DPYD: variants seen among roughly 807,000 people sequenced by gnomAD.
The protein encoded by DPYD is dihydropyrimidine dehydrogenase [NADP(+)].
Under a neutral mutation model 116.2 loss-of-function variants are expected in DPYD, and 109 were observed. The observed-to-expected ratio is 0.94, with a 90% confidence interval of 0.80 to 1.10. DPYD has a LOEUF of 1.10. DPYD is among the 50% of genes least tolerant of loss of function. DPYD has a pLI of 0.00. For synonymous variants in DPYD, 440 were observed against 432.0 expected (o/e 1.02, Z -0.23); for missense variants, 1,302 against 1,254.5 (o/e 1.04, Z -0.57).
intron 20 of DPYD, among the ~76,000 whole-genome samples, chr1:97,153,850 A>G (rs958243469): frequency 6.6e-6 from 1 of 152,122 alleles, no homozygotes; most frequent in Non-Finnish European, 1.5e-5. Context: ...ACATGAAAAG[A>G]CAATTCTGAA....
chr1:97,276,586 T>C (rs1306285447), intron 18 of DPYD, among the ~76,000 whole-genome samples: 1 of 146,658 alleles, frequency 6.8e-6, no homozygotes, highest in Non-Finnish European at 1.5e-5. Flanking sequence ...ACCAGAGAAA[T>C]GAAAATCAAA....
intron 16 of DPYD, among the ~76,000 whole-genome samples, chr1:97,317,486 G>A (rs1044044670): frequency 1.3e-5 from 2 of 151,984 alleles, no homozygotes; most frequent in Non-Finnish European, 2.9e-5. Context: ...ATAATAAGGA[G>A]TTTTTATTCT....
chr1:97,223,460 C>T (rs1660910572), intron 19 of DPYD, among the ~76,000 whole-genome samples: 2 of 151,584 alleles, frequency 1.3e-5, no homozygotes, highest in Non-Finnish European at 2.9e-5. Flanking sequence ...AGGCACAGGT[C>T]ATAATTGTTT....
At chr1:97,523,839 G>C (rs531937068) in intron 12 of DPYD, among the ~76,000 whole-genome samples, 13 of 152,216 alleles carry the variant, frequency 8.5e-5, no homozygotes, top group Admixed American at 7.2e-4. Flanking sequence ...GACAGAGGGG[G>C]AAATGATAAA....
chr1:97,474,440 A>G (rs1266208765), intron 13 of DPYD, among the ~76,000 whole-genome samples: 1 of 152,084 alleles, frequency 6.6e-6, no homozygotes, highest in African/African-American at 2.4e-5. Context: ...TTTCTGGGGA[A>G]TGTCTTTAAT....
chr1:97,429,889 G>C (rs1675078811), intron 14 of DPYD, among the ~76,000 whole-genome samples: 1 of 151,990 alleles, frequency 6.6e-6, no homozygotes, highest in African/African-American at 2.4e-5. Context: ...TGGAGAAGGG[G>C]GGGTAATCAA....
intron 8 of DPYD, among the ~76,000 whole-genome samples, chr1:97,617,806 A>G (rs537007213): frequency 1.3e-5 from 2 of 152,332 alleles, no homozygotes; most frequent in South Asian, 4.1e-4. Context: ...TCTGAGTCAG[A>G]GATGGATGCA....
At chr1:97,754,767 G>A (rs748891687) in intron 3 of DPYD, among the ~76,000 whole-genome samples, 38 of 152,152 alleles carry the variant, frequency 2.5e-4, no homozygotes, top group Non-Finnish European at 3.5e-4. Flanking sequence ...TTATGTACAG[G>A]TGGGGTAATA....
chr1:97,897,929 T>C (rs1042384291), intron 1 of DPYD, among the ~76,000 whole-genome samples: 14 of 151,882 alleles, frequency 9.2e-5, no homozygotes, highest in African/African-American at 3.4e-4. Flanking sequence ...TTTACCATAT[T>C]GGGTACATGA....
chr1:97,177,566 CTTT>C (rs77118571), intron 20 of DPYD, among the ~76,000 whole-genome samples: 5 of 135,152 alleles, frequency 3.7e-5, no homozygotes, highest in Non-Finnish European at 3.2e-5. Flanking sequence ...TTCTTTCTTT[CTTT>C]TTTTTTTTTT....
chr1:97,727,017 A>T (rs988978297), intron 4 of DPYD, among the ~76,000 whole-genome samples: 1 of 151,748 alleles, frequency 6.6e-6, no homozygotes, highest in African/African-American at 2.4e-5. Flanking sequence ...TAAAATTTGT[A>T]GGAGGTTAAA....
At chr1:97,894,852 TG>T (rs1333551026) in intron 1 of DPYD, among the ~76,000 whole-genome samples, 1 of 151,744 alleles carries the variant, frequency 6.6e-6, no homozygotes, top group African/African-American at 2.4e-5. Flanking sequence ...TTTAATATAA[TG>T]TGGCAAAGCA....
chr1:97,419,422 C>G (rs953510298), intron 14 of DPYD, among the ~76,000 whole-genome samples: 1 of 152,140 alleles, frequency 6.6e-6, no homozygotes, highest in Non-Finnish European at 1.5e-5. Context: ...AGACCTGGTA[C>G]GTAATCACTA....
chr1:97,659,266 C>T (rs1659117031), intron 8 of DPYD, among the ~76,000 whole-genome samples: 4 of 152,084 alleles, frequency 2.6e-5, no homozygotes, highest in Admixed American at 2.6e-4. Flanking sequence ...CCTAGACAGA[C>T]CATAGTAAAT....
At chr1:97,695,301 T>C (rs1452654404) in intron 6 of DPYD, among the ~76,000 whole-genome samples, 1 of 151,306 alleles carries the variant, frequency 6.6e-6, no homozygotes, top group Non-Finnish European at 1.5e-5. Context: ...TAATTATTAC[T>C]GGTTATTGTG....
intron 5 of DPYD, among the ~76,000 whole-genome samples, chr1:97,703,303 T>G (rs1455703175): frequency 6.6e-6 from 1 of 152,022 alleles, no homozygotes; most frequent in Non-Finnish European, 1.5e-5. Flanking sequence ...ACGAGACTCT[T>G]GGGGTTGAGT....
rs576597291 is a variant in DPYD, at chr1:97,096,129, T to C, written c.2766+2360A>G. ...TTTAATAAGATGCCTTATTCCTCTT[T>C]GATACTTCAGAAATCTTTATCTACA... On this transcript the variant is annotated intron_variant, in intron 21 of 22. Transcript: ENST00000370192. 14 of 152,332 alleles carry C rather than the reference T, an allele frequency of 9.2e-5. No homozygotes were observed. The East Asian group carries it at 2.5e-3, about 27-fold the overall frequency. The allele number at this position is 152,332 out of a possible 1,614,324, so 9.4% of individuals were successfully genotyped here. A position where few individuals can be genotyped will look rare whatever the true frequency, so the allele number is the denominator to read the frequency against.
At chr1:97,228,281 G>A (rs181043442) in intron 19 of DPYD, among the ~76,000 whole-genome samples, 54 of 151,758 alleles carry the variant, frequency 3.6e-4, no homozygotes, top group African/African-American at 1.1e-3. Context: ...CAATAAAGAA[G>A]GTATGCGCTA....
chr1:97,463,768 A>G (rs547104413), intron 13 of DPYD, among the ~76,000 whole-genome samples: 1 of 152,310 alleles, frequency 6.6e-6, no homozygotes, highest in East Asian at 1.9e-4. Context: ...TGTTTTAGCA[A>G]AGAGACTGGC....
Sources: gnomAD v4.1 joint callset for allele counts (sites outside exome capture counted in the v4.1 genomes callset) on GRCh38, gnomAD v4.1.1 for gene constraint, MANE v1.5 for transcripts, NCBI Gene and HGNC (gene_info 2026-07-23, HGNC 2026-07-21) for gene names.